Variants in TBC1D22A observed in about 807,000 individuals in gnomAD.
TBC1D22A encodes the protein TBC1 domain family member 22A.
Under a neutral mutation model 60.2 loss-of-function variants are expected in TBC1D22A, and 38 were observed. The ratio of observed to expected loss-of-function variants is 0.63; its 90% CI spans 0.49 to 0.83. The LOEUF is 0.83. Among genes scored for constraint, TBC1D22A ranks in the 40% least tolerant of loss-of-function variants. The pLI is 0.00. For synonymous variants in TBC1D22A, 302 were observed against 281.7 expected (o/e 1.07, Z -0.72); for missense variants, 628 against 701.0 (o/e 0.90, Z 1.18).
chr22:46,936,463 C>T (rs2071662366), intron 8 of TBC1D22A, among the ~76,000 whole-genome samples: 1 of 152,220 alleles, frequency 6.6e-6, no homozygotes, highest in African/African-American at 2.4e-5. Context: ...CCAAACAGTA[C>T]ATAGCACATC....
chr22:46,983,708 T>TA (rs1235239407), intron 9 of TBC1D22A, among the ~76,000 whole-genome samples: 2 of 151,358 alleles, frequency 1.3e-5, no homozygotes, highest in African/African-American at 2.4e-5. Context: ...TTTTTTTTTT[T>TA]TATATTTTAT....
At chr22:47,150,039 G>C (rs962693390) in intron 12 of TBC1D22A, among the ~76,000 whole-genome samples, 21 of 152,144 alleles carry the variant, frequency 1.4e-4, no homozygotes, top group African/African-American at 3.9e-4. Context: ...AGATGGGCCA[G>C]GGGCTGGGAT....
At chr22:47,138,133 G>A (rs1243310624) in intron 12 of TBC1D22A, among the ~76,000 whole-genome samples, 1 of 152,200 alleles carries the variant, frequency 6.6e-6, no homozygotes, top group African/African-American at 2.4e-5. Flanking sequence ...CAGTCCTCGT[G>A]GGATCGTCCA....
At chr22:46,765,115 T>G (rs969217156) in intron 1 of TBC1D22A, among the ~76,000 whole-genome samples, 4 of 152,174 alleles carry the variant, frequency 2.6e-5, no homozygotes, top group South Asian at 2.1e-4. Context: ...CTTTGTGAAG[T>G]TGGAGTCTTG....
intron 4 of TBC1D22A, among the ~76,000 whole-genome samples, chr22:46,803,716 CG>C (rs372634665): frequency 4.3e-4 from 66 of 152,204 alleles, no homozygotes; most frequent in African/African-American, 1.5e-3. Flanking sequence ...CTGGCTAACT[CG>C]GCCTTGCCCT....
intron 4 of TBC1D22A, among the ~76,000 whole-genome samples, chr22:46,814,109 A>T (rs1045519108): frequency 6.6e-6 from 1 of 152,206 alleles, no homozygotes; most frequent in Non-Finnish European, 1.5e-5. Flanking sequence ...CTTCTTAGAG[A>T]ATATTTACTT....
intron 12 of TBC1D22A, among the ~76,000 whole-genome samples, chr22:47,140,087 A>G (rs2067022809): frequency 6.6e-6 from 1 of 152,220 alleles, no homozygotes; most frequent in Non-Finnish European, 1.5e-5. Context: ...AAGCCCAGCA[A>G]TTTTTGAAGT....
At chr22:47,063,607 A>G (rs1477228622) in intron 11 of TBC1D22A, among the ~76,000 whole-genome samples, 2 of 152,110 alleles carry the variant, frequency 1.3e-5, no homozygotes, top group African/African-American at 4.8e-5. Flanking sequence ...GTCACACCTG[A>G]GGAGGTGAAG....
chr22:46,822,339 A>G (rs766166442), intron 4 of TBC1D22A, among the ~76,000 whole-genome samples: 2 of 152,034 alleles, frequency 1.3e-5, no homozygotes, highest in Non-Finnish European at 2.9e-5. Context: ...TTGGGTTTTC[A>G]GCATTTTTTC....
intron 4 of TBC1D22A, among the ~76,000 whole-genome samples, chr22:46,854,234 G>A (rs560833021): frequency 2.5e-4 from 38 of 152,330 alleles, no homozygotes; most frequent in African/African-American, 7.5e-4. Context: ...AATCATGGAC[G>A]TGGTTGAGAG....
chr22:46,847,439 G>A (rs114750963), intron 4 of TBC1D22A, among the ~76,000 whole-genome samples: 186 of 152,328 alleles, frequency 1.2e-3, no homozygotes, highest in African/African-American at 4.3e-3. Flanking sequence ...TTTATGTTAT[G>A]TGTCATTTTC....
chr22:46,874,136 A>C (rs1019770065), intron 4 of TBC1D22A, among the ~76,000 whole-genome samples: 1 of 152,090 alleles, frequency 6.6e-6, no homozygotes, highest in Admixed American at 6.5e-5. Context: ...ATGGCTGCAT[A>C]GTATTCCATG....
At chr22:47,138,280 C>T (rs2066948491) in intron 12 of TBC1D22A, among the ~76,000 whole-genome samples, 2 of 152,234 alleles carry the variant, frequency 1.3e-5, no homozygotes, top group African/African-American at 2.4e-5. Flanking sequence ...GCTAAGGATG[C>T]ACAGACCCCA....
intron 7 of TBC1D22A, among the ~76,000 whole-genome samples, chr22:46,909,295 T>TACACACACAC (rs142551402): frequency 2.0e-5 from 3 of 150,610 alleles, no homozygotes; most frequent in South Asian, 4.2e-4. Flanking sequence ...CCTATACACA[T>TACACACACAC]ACACACACAC....
At chr22:46,902,801 C>T (rs926319314) in intron 7 of TBC1D22A, among the ~76,000 whole-genome samples, 61 of 150,300 alleles carry the variant, frequency 4.1e-4, no homozygotes. Context: ...ACCCGGTGGG[C>T]ACGTGGGGAC....
chr22:47,024,101 G>A (rs745673916), intron 10 of TBC1D22A, among the ~76,000 whole-genome samples: 2 of 152,218 alleles, frequency 1.3e-5, no homozygotes, highest in Non-Finnish European at 1.5e-5. Context: ...TCGTGGTAAG[G>A]CCCTCACGCT....
intron 11 of TBC1D22A, among the ~76,000 whole-genome samples, chr22:47,056,004 G>A (rs2063382520): frequency 6.6e-6 from 1 of 152,180 alleles, no homozygotes; most frequent in Non-Finnish European, 1.5e-5. Flanking sequence ...CCATCATTGG[G>A]ACTGTTGGAC....
At chr22:47,071,513 A>G (rs549672688) in intron 11 of TBC1D22A, among the ~76,000 whole-genome samples, 2 of 152,198 alleles carry the variant, frequency 1.3e-5, no homozygotes, top group South Asian at 4.2e-4. Context: ...AGTCGGCCCC[A>G]CTCTGGGGTG....
At chr22:47,147,807 G>A (rs2050688980) in intron 12 of TBC1D22A, among the ~76,000 whole-genome samples, 1 of 152,244 alleles carries the variant, frequency 6.6e-6, no homozygotes, top group African/African-American at 2.4e-5. Context: ...CAGTGGCCAG[G>A]AGGGAGGATG....
Sources: gnomAD v4.1 joint callset for allele counts (sites outside exome capture counted in the v4.1 genomes callset) on GRCh38, gnomAD v4.1.1 for gene constraint, MANE v1.5 for transcripts, NCBI Gene and HGNC (gene_info 2026-07-23, HGNC 2026-07-21) for gene names.